Variants in SLC14A2 observed in about 807,000 individuals in gnomAD.
The protein encoded by SLC14A2 is solute carrier family 14 member 2.
In SLC14A2, 91 loss-of-function variants were observed where a neutral mutation model predicts 104.6. The ratio of observed to expected loss-of-function variants is 0.87; its 90% CI spans 0.73 to 1.04. The LOEUF is 1.04. Among genes scored for constraint, SLC14A2 ranks in the 50% least tolerant of loss-of-function variants. The pLI is 0.00. For synonymous variants in SLC14A2, 476 were observed against 466.4 expected, an observed-to-expected ratio of 1.02 and a Z score of -0.27; for missense variants, 1,189 against 1,156.0, an observed-to-expected ratio of 1.03 and a Z score of -0.41.
the SLC14A2 span, among the ~76,000 whole-genome samples, chr18:45,197,983 A>G: frequency 6.6e-6 from 1 of 152,198 alleles, no homozygotes; most frequent in Non-Finnish European, 1.5e-5. Flanking sequence ...GGAGTAGATA[A>G]CATACAGACC....
chr18:45,618,243 T>G (rs2045104223), intron 1 of SLC14A2, among the ~76,000 whole-genome samples: 1 of 152,128 alleles, frequency 6.6e-6, no homozygotes, highest in South Asian at 2.1e-4. Context: ...TTGTAGAAAT[T>G]TATGGAAACT....
intron 2 of SLC14A2, among the ~76,000 whole-genome samples, chr18:45,507,866 CAACAGGAATA>C (rs2043308815): frequency 6.6e-6 from 1 of 152,158 alleles, no homozygotes; most frequent in African/African-American, 2.4e-5. Flanking sequence ...CAGAAACATA[CAACAGGAATA>C]AATAGGAACT....
chr18:45,665,543 AAAC>A (rs1201679095), intron 11 of SLC14A2, among the ~76,000 whole-genome samples: 6 of 152,248 alleles, frequency 3.9e-5, no homozygotes, highest in Non-Finnish European at 7.4e-5. Context: ...AAAAAAACAA[AAAC>A]AAAAACAAAC....
intron 1 of SLC14A2, among the ~76,000 whole-genome samples, chr18:45,243,889 T>C (rs995425092): frequency 1.3e-5 from 2 of 152,240 alleles, no homozygotes; most frequent in Non-Finnish European, 2.9e-5. Flanking sequence ...ATCCCAGGTA[T>C]GTCTGTCTAC....
In SLC14A2 at chr18:45,624,642, A is replaced by C. The variant is rs2045230846; in HGVS notation, c.-23A>C. Reference sequence around the variant, plus strand: ...TTCCTTCCGTCTAGTCCATCGATAGAAGAGTGGCTGTGACCCGAAGGAATG... The same window carrying C: ...TTCCTTCCGTCTAGTCCATCGATAGCAGAGTGGCTGTGACCCGAAGGAATG... On this transcript the variant is annotated 5_prime_UTR_variant, in exon 2 of 20. Coordinates refer to ENST00000255226, the MANE Select transcript of SLC14A2 (RefSeq NM_007163.4). 1 of 1,603,514 alleles carries C rather than the reference A, an allele frequency of 6.2e-7. No homozygotes were observed. The highest frequency in any genetic ancestry group is 8.5e-7 in the Non-Finnish European group (1 of 1,174,358).
intron 19 of SLC14A2, 59 bp from the exon 20 acceptor site, chr18:45,682,259 CT>C: frequency 1.4e-6 from 2 of 1,464,370 alleles, no homozygotes; most frequent in South Asian, 2.3e-5. Flanking sequence ...TTGATAAGGG[CT>C]GATTAAAATG....
At chr18:45,638,092 T>C (rs963857186) in intron 6 of SLC14A2, among the ~76,000 whole-genome samples, 1 of 152,178 alleles carries the variant, frequency 6.6e-6, no homozygotes, top group African/African-American at 2.4e-5. Context: ...CGTTCCCGGA[T>C]GGAAAGGTGG....
chr18:45,499,984 T>C (rs1464073203), intron 2 of SLC14A2, among the ~76,000 whole-genome samples: 3 of 152,236 alleles, frequency 2.0e-5, no homozygotes, highest in Admixed American at 6.5e-5. Flanking sequence ...AGTCTCACTA[T>C]GCCTGACGAT....
the SLC14A2 span, chr18:45,168,972 G>C: frequency 2.6e-5 from 4 of 152,190 alleles, no homozygotes; most frequent in Non-Finnish European, 5.9e-5. Context: ...CAGGGGTCAT[G>C]CCTGTTTCAT....
At chr18:45,272,269 C>T (rs1395875339) in intron 1 of SLC14A2, among the ~76,000 whole-genome samples, 1 of 152,024 alleles carries the variant, frequency 6.6e-6, no homozygotes, top group Non-Finnish European at 1.5e-5. Flanking sequence ...AGGAAATCAT[C>T]ATATTGAAGA....
At chr18:45,428,096 C>T (rs183380692) in intron 1 of SLC14A2, among the ~76,000 whole-genome samples, 34 of 152,304 alleles carry the variant, frequency 2.2e-4, no homozygotes, top group Non-Finnish European at 1.8e-4. Flanking sequence ...CAAACTCACC[C>T]TCCTAAAAGA....
At chr18:45,284,296 C>A (rs2084791790) in intron 1 of SLC14A2, among the ~76,000 whole-genome samples, 1 of 152,102 alleles carries the variant, frequency 6.6e-6, no homozygotes, top group Non-Finnish European at 1.5e-5. Flanking sequence ...TCCTGTAATA[C>A]CTTGTTTCCC....
intron 1 of SLC14A2, among the ~76,000 whole-genome samples, chr18:45,279,693 T>C (rs570457869): frequency 6.6e-6 from 1 of 152,318 alleles, no homozygotes; most frequent in South Asian, 2.1e-4. Flanking sequence ...AGGCTTTTTA[T>C]TGTGCAAAGC....
At chr18:45,200,767 T>C in the SLC14A2 span, among the ~76,000 whole-genome samples, 2 of 152,280 alleles carry the variant, frequency 1.3e-5, no homozygotes, top group East Asian at 3.9e-4. Flanking sequence ...AAAAAGAAAC[T>C]TTTAAAGAAT....
intron 1 of SLC14A2, among the ~76,000 whole-genome samples, chr18:45,361,029 A>G (rs1163733796): frequency 6.6e-6 from 1 of 152,124 alleles, no homozygotes; most frequent in Admixed American, 6.6e-5. Context: ...AATGGACAGG[A>G]CCCGTATCCG....
intron 1 of SLC14A2, among the ~76,000 whole-genome samples, chr18:45,238,241 A>G (rs1456970074): frequency 1.3e-5 from 2 of 152,214 alleles, no homozygotes; most frequent in Non-Finnish European, 1.5e-5. Flanking sequence ...ACAGGCTTTT[A>G]TTGAGCACTT....
At chr18:45,339,039 C>T (rs1255139571) in intron 1 of SLC14A2, among the ~76,000 whole-genome samples, 1 of 152,028 alleles carries the variant, frequency 6.6e-6, no homozygotes, top group Non-Finnish European at 1.5e-5. Context: ...GGGGTTCAAG[C>T]AATTCTCCCA....
intron 6 of SLC14A2, among the ~76,000 whole-genome samples, chr18:45,639,142 G>A (rs1478257409): frequency 6.6e-6 from 1 of 152,162 alleles, no homozygotes; most frequent in Admixed American, 6.5e-5. Flanking sequence ...CATGCCTACT[G>A]CTCCTTTCCA....
At chr18:45,316,755 G>A (rs2085133353) in intron 1 of SLC14A2, among the ~76,000 whole-genome samples, 1 of 152,098 alleles carries the variant, frequency 6.6e-6, no homozygotes, top group Non-Finnish European at 1.5e-5. Context: ...AGCTTCCATG[G>A]ACAGAACTAC....
Sources: allele counts gnomAD v4.1 joint callset (sites outside exome capture counted in the v4.1 genomes callset), GRCh38; gene constraint gnomAD v4.1.1; transcripts MANE v1.5; gene names NCBI Gene and HGNC (gene_info 2026-07-23, HGNC 2026-07-21).